Variants in PDK2 observed in about 807,000 individuals in gnomAD.
The protein encoded by PDK2 is pyruvate dehydrogenase kinase, isozyme 2.
Under a neutral mutation model 50.4 loss-of-function variants are expected in PDK2, and 34 were observed. That is an observed-to-expected ratio of 0.68 (90% CI 0.51 to 0.90). PDK2 has a LOEUF of 0.90. PDK2 is among the 40% of genes least tolerant of loss of function. The probability of loss-of-function intolerance (pLI) is 0.00; values close to 1 mark genes in which losing one functional copy is unlikely to be tolerated. For synonymous variants in PDK2, 232 were observed against 216.0 expected (o/e 1.07, Z -0.65); for missense variants, 377 against 544.5 (o/e 0.69, Z 3.06).
At position 50,108,733 on chromosome 17, in the gene PDK2, AC is replaced by A; in HGVS notation, c.969+18del. ...GGAACGCCGCTGGTGAGATGGCTTC[AC>A]CCCAGCCCCTCCCACCTCCTGAGGG... On this transcript the variant is annotated intron_variant, in intron 9 of 10. Transcript: ENST00000503176. 1 of 1,528,582 alleles carries A rather than the reference AC, an allele frequency of 6.5e-7. No homozygotes were observed. The highest frequency in any genetic ancestry group is 9.0e-7 in the Non-Finnish European group (1 of 1,114,022). 94.7% of individuals were successfully genotyped at this position (1,528,582 alleles called of 1,614,324 possible).
At chr17:50,098,900 G>C (rs1388836866) in intron 2 of PDK2, 1 of 152,310 alleles carries the variant, frequency 6.6e-6, no homozygotes, top group Non-Finnish European at 1.5e-5. Flanking sequence ...TAAAAGGAAG[G>C]GAAGGGCATT....
Position 50,106,862 on chromosome 17 carries a change from A to C in PDK2, c.586A>C (p.Asn196His), listed in dbSNP as rs1236955647. ...CATCGGCAGCATCGACCCCAACTGC[A>C]ACGTCTCTGAGGTGGTCAAAGGTGA... is the stretch of plus-strand genomic sequence containing the variant. ...KHIGSIDPNC[N>H]VSEVVKDAYD... The change falls in exon 5 of 11, where the codon AAC (asparagine) becomes CAC (histidine). Residue 196 changes from asparagine (N) to histidine (H), a missense_variant. Around this residue, in one of 3 missense-constraint regions of PDK2, gnomAD observed 214 missense variants for 294.0 expected, o/e 0.73. Transcript: ENST00000503176. The C allele has an allele frequency of 6.2e-7, 1 of 1,614,074 alleles. No homozygotes were observed. The highest frequency in any genetic ancestry group is 2.2e-5 in the East Asian group (1 of 44,888).
chr17:50,109,061 C>T lies in PDK2; in HGVS notation c.970-226C>T, dbSNP rs997548605. On this transcript the variant is annotated intron_variant, in intron 9 of 10. Transcript: ENST00000503176. This position sits in a 1 kb window ranked among gnomAD's most constrained non-coding sequence, Gnocchi z 5.0. ...CTGCTCTGACTTCCTGGCCCCTGAG[C>T]GGAACTCCTCTCTCTGCCCAAGCCT... Among the ~76,000 whole-genome samples the T allele has an allele frequency of 3.3e-5, 5 of 152,080 alleles. No individual in the cohort carries two copies. Among genetic ancestry groups the T allele is most frequent in the Admixed American group, 6.5e-5 (1 of 15,276 alleles).
intron 1 of PDK2, 90 bp from the exon 2 acceptor site, chr17:50,097,333 T>C (rs959644094): frequency 3.6e-6 from 5 of 1,375,512 alleles, no homozygotes; most frequent in Non-Finnish European, 5.0e-6. Flanking sequence ...CTGAGCCCCC[T>C]GTTAATGAAG....
rs1431053719 is a variant in PDK2 at position 50,095,404 on chromosome 17, G to A, written c.-32G>A. On this transcript the variant is annotated 5_prime_UTR_variant, in exon 1 of 11. Coordinates refer to ENST00000503176, the MANE Select transcript of PDK2 (RefSeq NM_002611.5). ...AGGTGCGCGAGCGCTGCCCGCGCGG[G>A]GACCACAACCAAAGTCGCGGCCGCC... The A allele has an allele frequency of 2.0e-6, 3 of 1,505,108 alleles. No homozygotes were observed. The highest frequency in any genetic ancestry group is 2.7e-6 in the Non-Finnish European group (3 of 1,092,958). 93.2% of individuals were successfully genotyped at this position (1,505,108 alleles called of 1,614,324 possible).
intron 2 of PDK2, chr17:50,098,320 C>T (rs536858258): frequency 7.2e-5 from 11 of 152,330 alleles, no homozygotes; most frequent in African/African-American, 2.6e-4. Context: ...TGTGATTTCC[C>T]TGTAGACTGA....
intron 2 of PDK2, chr17:50,097,843 C>T (rs1910027765): frequency 2.8e-6 from 1 of 357,082 alleles, no homozygotes; most frequent in Admixed American, 4.0e-5. Flanking sequence ...GTTTTCACAG[C>T]CAAAACCCCA....
At position 50,108,642 on chromosome 17, in the gene PDK2, A is replaced by G; in HGVS notation, c.892A>G (p.Arg298Gly). The change falls in exon 9 of 11, where the codon AGG becomes GGG. Residue 298 changes from arginine to glycine, a missense_variant. By Grantham distance (125) the Arg-to-Gly change is moderately radical (BLOSUM62 -2). Transcript: ENST00000503176. ...TGACCGAGGTGGGGGTGTTCCCTTG[A>G]GGAAGATTGAGCGACTCTTCAGCTA... ...MSDRGGGVPL[R>G]KIERLFSYMY... 6.2e-7 allele frequency: 1 copy of G among 1,613,010 alleles called. No homozygotes were observed. The highest frequency in any genetic ancestry group is 8.5e-7 in the Non-Finnish European group (1 of 1,179,554).
chr17:50,108,091 G>C lies in PDK2; in HGVS notation c.686-65G>C. On this transcript the variant is annotated intron_variant, in intron 6 of 10. Transcript: ENST00000503176. ...TTTGTGGGAGGGGGTGCCTCCTTTGGGTAAGGTGGTTGAGCAGTGACCTCC... is the reference window on the plus strand; with the variant it reads ...TTTGTGGGAGGGGGTGCCTCCTTTGCGTAAGGTGGTTGAGCAGTGACCTCC... The C allele has an allele frequency of 2.9e-6, 4 of 1,369,642 alleles. No individual in the cohort carries two copies. The South Asian group carries it at 5.0e-5, about 17-fold the overall frequency. 84.8% of individuals were successfully genotyped at this position (1,369,642 alleles called of 1,614,324 possible).
In PDK2 at chr17:50,109,947, C is replaced by T. The variant is rs1910740288; in HGVS notation, c.1084-10C>T. 3 of 1,532,808 alleles carry T rather than the reference C, an allele frequency of 2.0e-6. No individual in the cohort carries two copies. Among genetic ancestry groups the T allele is most frequent in the African/African-American group, 2.7e-5 (2 of 73,228 alleles). The allele number at this position is 1,532,808 out of a possible 1,614,324, so 95.0% of individuals were successfully genotyped here. On this transcript the variant is annotated splice_polypyrimidine_tract_variant and intron_variant, in intron 10 of 10. Transcript: ENST00000503176. This position sits in a 1 kb window ranked among gnomAD's most constrained non-coding sequence, Gnocchi z 5.0. ...GGGAGGTGGGAGGGGCTGACCCTGA[C>T]ACTCCCCAGGCCCTGTCCACGGACT...
intron 2 of PDK2, chr17:50,099,017 AG>A (rs1910087050): frequency 6.6e-6 from 1 of 152,156 alleles, no homozygotes; most frequent in African/African-American, 2.4e-5. Context: ...GTGGGCTGTG[AG>A]GAAGGGGTGG....
chr17:50,105,496 G>A (rs1910459818), intron 3 of PDK2, 54 bp downstream of exon 3: 2 of 1,466,006 alleles, frequency 1.4e-6, no homozygotes, highest in Non-Finnish European at 1.9e-6. Context: ...AGGGGCATCT[G>A]GGGTTGCAGC....
chr17:50,106,723 A>T, intron 4 of PDK2, 71 bp from the exon 5 acceptor site: 1 of 1,291,308 alleles, frequency 7.7e-7, no homozygotes, highest in Admixed American at 1.7e-5. Context: ...AGAGGAGGAA[A>T]GCCCGGGGGA....
At chr17:50,099,955 G>A (rs1043572438) in intron 2 of PDK2, among the ~76,000 whole-genome samples, 23 of 152,228 alleles carry the variant, frequency 1.5e-4, no homozygotes, top group Non-Finnish European at 2.6e-4. Context: ...AGGACTTCCC[G>A]ACAGGGTTGA....
chr17:50,104,028 C>T (rs1395457165), intron 2 of PDK2, among the ~76,000 whole-genome samples: 1 of 152,180 alleles, frequency 6.6e-6, no homozygotes, highest in Non-Finnish European at 1.5e-5. Flanking sequence ...CACTGCAGGG[C>T]TCTAGGTAGC....
Position 50,110,290 on chromosome 17 carries a change from C to T in PDK2, c.*193C>T, listed in dbSNP as rs1910763321. On this transcript the variant is annotated 3_prime_UTR_variant, in exon 11 of 11. Coordinates refer to ENST00000503176, the MANE Select transcript of PDK2 (RefSeq NM_002611.5). The stretch of plus-strand genomic sequence containing the variant: ...TGCCAGTCCATCTCTGTGGAGACCC[C>T]TCGGTGGCCTCCCTATCTCTGTGGG... 2 of 486,450 alleles carry T rather than the reference C, an allele frequency of 4.1e-6. No homozygotes were observed. The highest frequency in any genetic ancestry group is 3.5e-5 in the East Asian group (1 of 28,898). The allele number at this position is 486,450 out of a possible 1,614,324, so 30.1% of individuals were successfully genotyped here.
chr17:50,109,822 A>C lies in PDK2; in HGVS notation c.1084-135A>C. 1 of 982,290 alleles carries C rather than the reference A, an allele frequency of 1.0e-6. No individual in the cohort carries two copies. Among genetic ancestry groups the C allele is most frequent in the Non-Finnish European group, 1.5e-6 (1 of 688,428 alleles). The allele number at this position is 982,290 out of a possible 1,614,324, so 60.8% of individuals were successfully genotyped here. A position where few individuals can be genotyped will look rare whatever the true frequency, so the allele number is the denominator to read the frequency against. ...TGAATGGGCAGGAGCGGGACACAGG[A>C]GGGACCACCCTTTTGTGGTCTTTCC... is the stretch of plus-strand genomic sequence containing the variant. On this transcript the variant is annotated intron_variant, in intron 10 of 10. Coordinates refer to ENST00000503176, the MANE Select transcript of PDK2 (RefSeq NM_002611.5). This position sits in a 1 kb window ranked among gnomAD's most constrained non-coding sequence, Gnocchi z 5.0.
chr17:50,105,309 A>C, intron 2 of PDK2, 62 bp from the exon 3 acceptor site: 1 of 1,261,682 alleles, frequency 7.9e-7, no homozygotes, highest in Non-Finnish European at 1.1e-6. Context: ...AGTTGAATGA[A>C]GTGGGTGAGG....
intron 2 of PDK2, among the ~76,000 whole-genome samples, chr17:50,099,590 G>C (rs1376748913): frequency 6.6e-6 from 1 of 152,038 alleles, no homozygotes; most frequent in Non-Finnish European, 1.5e-5. Flanking sequence ...TCAGGAGATC[G>C]AGACCATCCT....
Sources: gnomAD v4.1 joint callset for allele counts (sites outside exome capture counted in the v4.1 genomes callset) on GRCh38, gnomAD v4.1.1 for gene constraint, gnomAD v4.1.1 regional missense constraint, Gnocchi (gnomAD v3.1) non-coding constraint, MANE v1.5 for transcripts, NCBI Gene and HGNC (gene_info 2026-07-23, HGNC 2026-07-21) for gene names.